The following SPATS2 variants were observed in gnomAD, a reference collection of about 807,000 sequenced individuals.
SPATS2 encodes spermatogenesis associated serine rich 2.
In SPATS2, 38 loss-of-function variants were observed where a neutral mutation model predicts 63.7. That is an observed-to-expected ratio of 0.60 (90% CI 0.46 to 0.78). The LOEUF (loss-of-function observed/expected upper bound fraction) is 0.78. SPATS2 is among the 30% of genes least tolerant of loss of function. SPATS2 has a pLI of 0.00. For missense variants in SPATS2, 588 were observed against 666.2 expected, an observed-to-expected ratio of 0.88 and a Z score of 1.29; for synonymous variants, 207 against 232.9, an observed-to-expected ratio of 0.89 and a Z score of 1.01.
chr12:49,521,260 A>G (rs939773057), intron 11 of SPATS2, among the ~76,000 whole-genome samples: 1 of 152,226 alleles, frequency 6.6e-6, no homozygotes, highest in South Asian at 2.1e-4. Context: ...CAGTCTCTCT[A>G]AAATAAAAAC....
chr12:49,378,435 C>T (rs952190727), intron 2 of SPATS2, among the ~76,000 whole-genome samples: 1 of 151,504 alleles, frequency 6.6e-6, no homozygotes, highest in Non-Finnish European at 1.5e-5. Context: ...GTAGCTGGGA[C>T]TACAGGCGCA....
intron 2 of SPATS2, among the ~76,000 whole-genome samples, chr12:49,429,944 C>A (rs560883215): frequency 2.1e-4 from 30 of 143,480 alleles, no homozygotes; most frequent in Admixed American, 5.0e-4. Context: ...TCACGCCCAG[C>A]TAATTTTTGT....
chr12:49,450,240 T>C (rs1410008988), intron 2 of SPATS2, among the ~76,000 whole-genome samples: 4 of 151,950 alleles, frequency 2.6e-5, no homozygotes, highest in Admixed American at 1.3e-4. Context: ...GAGTCTTTTT[T>C]TTTTAAATTT....
chr12:49,481,710 G>A (rs1400620783), intron 3 of SPATS2, among the ~76,000 whole-genome samples: 3 of 151,770 alleles, frequency 2.0e-5, no homozygotes, highest in African/African-American at 7.3e-5. Context: ...TGATCCGCCC[G>A]CCTCAGCCTC....
At chr12:49,421,568 T>C (rs1944985174) in intron 2 of SPATS2, among the ~76,000 whole-genome samples, 1 of 152,178 alleles carries the variant, frequency 6.6e-6, no homozygotes, top group South Asian at 2.1e-4. Context: ...ATGCCTAGTT[T>C]CCATCGAAGA....
chr12:49,450,680 A>G (rs1033509007), intron 2 of SPATS2, among the ~76,000 whole-genome samples: 4 of 152,032 alleles, frequency 2.6e-5, no homozygotes, highest in East Asian at 3.9e-4. Flanking sequence ...AGTAGCTGGC[A>G]TTACAGGCAT....
At chr12:49,446,710 A>T (rs970807231) in intron 2 of SPATS2, among the ~76,000 whole-genome samples, 2 of 152,204 alleles carry the variant, frequency 1.3e-5, no homozygotes, top group Admixed American at 1.3e-4. Context: ...TTAAGGGCTC[A>T]TGCGATTAGA....
At chr12:49,479,560 G>C (rs374952161) in intron 3 of SPATS2, among the ~76,000 whole-genome samples, 2 of 152,274 alleles carry the variant, frequency 1.3e-5, no homozygotes, top group Admixed American at 6.5e-5. Context: ...TTCATGGAGC[G>C]GGAGGCCTGA....
At chr12:49,421,185 C>T (rs1349483495) in intron 2 of SPATS2, among the ~76,000 whole-genome samples, 3 of 151,948 alleles carry the variant, frequency 2.0e-5, no homozygotes, top group East Asian at 3.9e-4. Context: ...TTTGGGAGGC[C>T]GAGGCGGGCG....
intron 8 of SPATS2, among the ~76,000 whole-genome samples, chr12:49,497,649 C>T (rs1234506416): frequency 6.6e-6 from 1 of 152,082 alleles, no homozygotes; most frequent in Non-Finnish European, 1.5e-5. Context: ...CTGTCTCGGC[C>T]TCCCAAAGTG....
intron 9 of SPATS2, among the ~76,000 whole-genome samples, chr12:49,510,554 C>T (rs1946734996): frequency 7.2e-6 from 1 of 139,648 alleles, no homozygotes. Context: ...GACAGTGAGA[C>T]CCTGTCTCAA....
At chr12:49,523,681 G>T (rs1161014281) in intron 12 of SPATS2, among the ~76,000 whole-genome samples, 1 of 152,136 alleles carries the variant, frequency 6.6e-6, no homozygotes, top group Non-Finnish European at 1.5e-5. Context: ...GCCAGGCGCG[G>T]TGGCTCATGC....
chr12:49,390,164 G>A, intron 2 of SPATS2: 1 of 1,521,022 alleles, frequency 6.6e-7, no homozygotes, highest in Admixed American at 1.8e-5. Flanking sequence ...AGGAAGAGCT[G>A]AAGAGCTTCT....
At chr12:49,505,809 A>G (rs531794116) in intron 9 of SPATS2, among the ~76,000 whole-genome samples, 1 of 152,300 alleles carries the variant, frequency 6.6e-6, no homozygotes, top group East Asian at 1.9e-4. Context: ...ATATATTCAG[A>G]CTTATTAACC....
intron 2 of SPATS2, among the ~76,000 whole-genome samples, chr12:49,436,927 C>A (rs1432450877): frequency 1.5e-5 from 2 of 134,114 alleles, no homozygotes. Context: ...CCCCACCTCC[C>A]TCCCGGATGG....
chr12:49,433,173 T>C (rs987931361), intron 2 of SPATS2, among the ~76,000 whole-genome samples: 5 of 152,236 alleles, frequency 3.3e-5, no homozygotes, highest in African/African-American at 1.2e-4. Flanking sequence ...TGTTTTGTTT[T>C]GTTTTGTTTG....
chr12:49,407,453 C>T (rs1944716377), intron 2 of SPATS2, among the ~76,000 whole-genome samples: 1 of 152,132 alleles, frequency 6.6e-6, no homozygotes, highest in Non-Finnish European at 1.5e-5. Context: ...TATGACTCTC[C>T]ACTGCTCACG....
intron 3 of SPATS2, among the ~76,000 whole-genome samples, chr12:49,470,374 G>C (rs1322119642): frequency 2.6e-5 from 4 of 152,114 alleles, no homozygotes; most frequent in Non-Finnish European, 5.9e-5. Context: ...ATGTGAAATA[G>C]ACTGGTTTTA....
chr12:49,506,344 T>C (rs1946654051), intron 9 of SPATS2, among the ~76,000 whole-genome samples: 1 of 152,184 alleles, frequency 6.6e-6, no homozygotes, highest in Admixed American at 6.5e-5. Flanking sequence ...CTCACACTTC[T>C]ACGTGGCTGG....
Sources: gnomAD v4.1 joint callset for allele counts (sites outside exome capture counted in the v4.1 genomes callset) on GRCh38, gnomAD v4.1.1 for gene constraint, MANE v1.5 for transcripts, NCBI Gene and HGNC (gene_info 2026-07-23, HGNC 2026-07-21) for gene names.